Variants in UBA6 observed in about 807,000 individuals in gnomAD.
UBA6 encodes the protein ubiquitin like modifier activating enzyme 6.
Under a neutral mutation model 148.3 loss-of-function variants are expected in UBA6, and 87 were observed. The observed-to-expected ratio is 0.59, with a 90% CI of 0.49 to 0.70. UBA6 has a LOEUF of 0.70. Ranked by LOEUF, UBA6 falls within the 30% of genes least tolerant of loss-of-function variation. The pLI is 0.00. For synonymous variants in UBA6, 376 were observed against 401.0 expected (o/e 0.94, Z 0.75); for missense variants, 1,186 against 1,241.2 (o/e 0.96, Z 0.67).
Position 67,668,618 on chromosome 4 carries a change from T to A in UBA6, c.726A>T (p.Gly242=), listed in dbSNP as rs376890156. Reference sequence around the variant, plus strand: ...TAATTTCTCGAAATGTTAGGAATTGTCCTGTCTCCAGTTTGTGAGGATGAT... The same window carrying A: ...TAATTTCTCGAAATGTTAGGAATTGACCTGTCTCCAGTTTGTGAGGATGAT... ...LENHPHKLET[G]QFLTFREING... Residue 242 remains glycine, a synonymous_variant, in exon 9 of 33, where the codon GGA becomes GGT. Coordinates refer to ENST00000322244, the MANE Select transcript of UBA6 (RefSeq NM_018227.6). 1 of 1,613,108 alleles carries A rather than the reference T, an allele frequency of 6.2e-7. No homozygotes were observed. The highest frequency in any genetic ancestry group is 8.5e-7 in the Non-Finnish European group (1 of 1,179,158).
In UBA6 at chr4:67,682,406, G is replaced by A. The variant is rs6847079; in HGVS notation, c.135-193C>T. On this transcript the variant is annotated intron_variant, in intron 2 of 32. Transcript: ENST00000322244. Reference sequence around the variant, plus strand: ...CATATTTTGAAAAATCAGATAATTTGGCACCACAATCCATATTCCCTCAAG... The same window carrying A: ...CATATTTTGAAAAATCAGATAATTTAGCACCACAATCCATATTCCCTCAAG... Among the ~76,000 whole-genome samples the A allele has an allele frequency of 5.0e-3, 757 of 152,256 alleles. 9 individuals are homozygous for A. The highest frequency in any genetic ancestry group is 0.017 in the African/African-American group (711 of 41,534).
At position 67,625,069 on chromosome 4, in the gene UBA6, G is replaced by C; in HGVS notation, c.2637C>G (p.Asp879Glu). The C allele has an allele frequency of 6.2e-7, 1 of 1,613,316 alleles. No homozygotes were observed. Among genetic ancestry groups the C allele is most frequent in the Non-Finnish European group, 8.5e-7 (1 of 1,179,438 alleles). ...CAGCTATGCGCTTTGTTTTGAAACGGTCAGCTGGTTCAATGCTGTACATTT... is the reference window on the plus strand; with the variant it reads ...CAGCTATGCGCTTTGTTTTGAAACGCTCAGCTGGTTCAATGCTGTACATTT... Reference protein sequence around the residue: ...RAKMYSIEPADRFKTKRIAGK... With the variant: ...RAKMYSIEPAERFKTKRIAGK... Residue 879 changes from aspartate to glutamate, a missense_variant, in exon 29 of 33, where the codon GAC becomes GAG. Coordinates refer to ENST00000322244, the MANE Select transcript of UBA6 (RefSeq NM_018227.6).
At position 67,631,264 on chromosome 4, in the gene UBA6, T is replaced by A. The variant is rs1422818034; in HGVS notation, c.2258+444A>T. Among the ~76,000 whole-genome samples the A allele has an allele frequency of 2.6e-5, 4 of 152,180 alleles. No individual in the cohort carries two copies. The East Asian group carries it at 7.7e-4, about 29-fold the overall frequency. ...CATATACACACAAGTGTGAATCTAA[T>A]GTGTATCTAATATAGTGTTTCCAGG... On this transcript the variant is annotated intron_variant, in intron 25 of 32. Coordinates refer to ENST00000322244, the MANE Select transcript of UBA6 (RefSeq NM_018227.6).
chr4:67,656,093 G>A (rs1300180714), intron 13 of UBA6, among the ~76,000 whole-genome samples: 4 of 152,136 alleles, frequency 2.6e-5, no homozygotes, highest in South Asian at 4.1e-4. Context: ...ATTCAAAGCC[G>A]AATTCTACCA....
chr4:67,652,397 C>T lies in UBA6; in HGVS notation c.1105-3186G>A, dbSNP rs562063431. The stretch of plus-strand genomic sequence containing the variant: ...AAAACCAAAATGAGATACTACCACA[C>T]ACATAAAAATGTTTAAAATCATATA... On this transcript the variant is annotated intron_variant, in intron 13 of 32. Transcript: ENST00000322244. Among the ~76,000 whole-genome samples the T allele has an allele frequency of 5.3e-5, 8 of 152,290 alleles. No homozygotes were observed. In the East Asian group the frequency reaches 1.4e-3, roughly 26 times the overall value.
Position 67,634,274 on chromosome 4 carries a change from G to A in UBA6, c.1981C>T (p.Gln661Ter). Residue 661 changes from glutamine (Q) to a stop codon, truncating the protein, a stop_gained, in exon 22 of 33, where the codon CAA becomes TAA. Coordinates refer to ENST00000322244, the MANE Select transcript of UBA6 (RefSeq NM_018227.6). LOFTEE classifies it high-confidence loss of function. ...HKPSLFNKFW[Q>*]TYSSAEEVLQ... ...ACTTCTTCTGCAGATGAATAGGTTT[G>A]CCAAAATTTGTTAAACAATGAAGGT... 6.3e-7 allele frequency: 1 copy of A among 1,595,922 alleles called. No individual in the cohort carries two copies. Among genetic ancestry groups the A allele is most frequent in the Admixed American group, 1.8e-5 (1 of 55,302 alleles).
At position 67,649,974 on chromosome 4, in the gene UBA6, A is replaced by G. The variant is rs1450643786; in HGVS notation, c.1105-763T>C. On this transcript the variant is annotated intron_variant, in intron 13 of 32. Transcript: ENST00000322244. ...CTTGTACACAGAGGAGAGGACAGAG[A>G]AGAGTTTTTATTACACTCTCAAAAA... 7.9e-5 allele frequency among the ~76,000 whole-genome samples: 12 copies of G among 152,264 alleles called. No homozygotes were observed. In the South Asian group the frequency reaches 2.3e-3, roughly 29 times the overall value.
At chr4:67,665,795 T>C (rs896979253) in intron 9 of UBA6, among the ~76,000 whole-genome samples, 6 of 152,062 alleles carry the variant, frequency 3.9e-5, no homozygotes, top group African/African-American at 1.4e-4. Flanking sequence ...AGAATACCTA[T>C]TGCAAATGGA....
At position 67,618,054 on chromosome 4, in the gene UBA6, C is replaced by CAA. The variant is rs1194957739; in HGVS notation, c.*942_*943insTT. ...GTTTAAAAAAAAAAAACAAAAAAAA[C>CAA]ACAAAATTTAATACCCTAATTAGGT... On this transcript the variant is annotated 3_prime_UTR_variant, in exon 33 of 33. Coordinates refer to ENST00000322244, the MANE Select transcript of UBA6 (RefSeq NM_018227.6). 1 of 134,110 alleles carries CAA rather than the reference C, an allele frequency of 7.5e-6. No individual in the cohort carries two copies. Among genetic ancestry groups the CAA allele is most frequent in the African/African-American group, 2.7e-5 (1 of 36,716 alleles). 8.3% of individuals were successfully genotyped at this position (134,110 alleles called of 1,614,324 possible). A position where few individuals can be genotyped will look rare whatever the true frequency, so the allele number is the denominator to read the frequency against.
In UBA6 at chr4:67,614,279, A is replaced by G. The variant is rs768692833; in HGVS notation, c.*4718T>C. ...CCAAACCAATGCATTTCTTAAACGT[A>G]TTTGATGTCTCATGCCTTCTATATA... On this transcript the variant is annotated 3_prime_UTR_variant, in exon 33 of 33. Transcript: ENST00000322244. The G allele has an allele frequency of 6.6e-6, 1 of 152,174 alleles. No homozygotes were observed. The highest frequency in any genetic ancestry group is 2.4e-5 in the African/African-American group (1 of 41,428). 9.4% of individuals were successfully genotyped at this position (152,174 alleles called of 1,614,324 possible). A position where few individuals can be genotyped will look rare whatever the true frequency, so the allele number is the denominator to read the frequency against.
chr4:67,689,234 T>C (rs534901141), intron 2 of UBA6, among the ~76,000 whole-genome samples: 2 of 152,272 alleles, frequency 1.3e-5, no homozygotes, highest in African/African-American at 4.8e-5. Flanking sequence ...TAAGATGTAA[T>C]GTTCAGGTTA....
chr4:67,654,863 A>G (rs928712127), intron 13 of UBA6, among the ~76,000 whole-genome samples: 4 of 12,686 alleles, frequency 3.2e-4, no homozygotes, highest in African/African-American at 6.9e-4. Context: ...AAATGGAAAG[A>G]AAAAAAAAAA....
intron 32 of UBA6, among the ~76,000 whole-genome samples, chr4:67,619,925 AC>A (rs1728714971): frequency 6.6e-6 from 1 of 152,168 alleles, no homozygotes; most frequent in African/African-American, 2.4e-5. Context: ...CTTCCAATCT[AC>A]ACTGCTCCTA....
intron 19 of UBA6, among the ~76,000 whole-genome samples, chr4:67,636,727 G>T (rs927872838): frequency 1.3e-5 from 2 of 152,230 alleles, no homozygotes; most frequent in Non-Finnish European, 2.9e-5. Flanking sequence ...GCAGTGGCGT[G>T]ATCTCGGCTA....
intron 2 of UBA6, among the ~76,000 whole-genome samples, chr4:67,690,035 T>C (rs1730659448): frequency 6.6e-6 from 1 of 152,028 alleles, no homozygotes; most frequent in East Asian, 1.9e-4. Flanking sequence ...TCAGGCAAGA[T>C]ATCACAGAGC....
intron 9 of UBA6, among the ~76,000 whole-genome samples, chr4:67,666,165 C>T (rs1260770688): frequency 6.6e-6 from 1 of 152,028 alleles, no homozygotes; most frequent in Non-Finnish European, 1.5e-5. Flanking sequence ...GTACTCCAGC[C>T]TGGATAACAC....
At chr4:67,623,344 TG>T in intron 30 of UBA6, 122 bp from the exon 31 acceptor site, 1 of 658,466 alleles carries the variant, frequency 1.5e-6, no homozygotes. Flanking sequence ...GAAATTAATG[TG>T]GGGAAATAAA....
chr4:67,679,222 C>T (rs1730366402), intron 4 of UBA6, among the ~76,000 whole-genome samples: 1 of 152,020 alleles, frequency 6.6e-6, no homozygotes, highest in Non-Finnish European at 1.5e-5. Context: ...AACAGATACA[C>T]ATGTATGTGT....
At chr4:67,691,143 A>G (rs1272459448) in intron 2 of UBA6, among the ~76,000 whole-genome samples, 1 of 152,168 alleles carries the variant, frequency 6.6e-6, no homozygotes, top group African/African-American at 2.4e-5. Context: ...GACAACTTGA[A>G]AAAAACTCAC....
Sources: allele counts gnomAD v4.1 joint callset (sites outside exome capture counted in the v4.1 genomes callset), GRCh38; gene constraint gnomAD v4.1.1; transcripts MANE v1.5; gene names NCBI Gene and HGNC (gene_info 2026-07-23, HGNC 2026-07-21).